The following HOXC13 variants were observed in gnomAD, a reference collection of about 807,000 sequenced individuals.
HOXC13 encodes the protein homeobox C13, also known as homeobox protein Hox-C13.
A neutral mutation model predicts 25.9 loss-of-function variants in HOXC13; 10 were observed. That is an observed-to-expected ratio of 0.39 (90% CI 0.24 to 0.65). The LOEUF is 0.65. HOXC13 is among the 30% of genes least tolerant of loss of function. HOXC13 has a pLI of 0.50. For missense variants in HOXC13, 439 were observed against 478.3 expected (o/e 0.92, Z 0.77); for synonymous variants, 233 against 217.1 (o/e 1.07, Z -0.64).
chr12:53,945,681 G>C lies in HOXC13; in HGVS notation c.*425G>C. The C allele has an allele frequency of 3.4e-6, 1 of 290,726 alleles. No homozygotes were observed. Among genetic ancestry groups the C allele is most frequent in the Non-Finnish European group, 6.6e-6 (1 of 152,128 alleles). 18.0% of individuals were successfully genotyped at this position (290,726 alleles called of 1,614,324 possible). The stretch of plus-strand genomic sequence containing the variant: ...AGGCTTTTAGAGGACCTTCCCTAAG[G>C]GCGCAGCTTCGGAGCAGGATCTGTC... On this transcript the variant is annotated 3_prime_UTR_variant, in exon 2 of 2. Transcript: ENST00000243056. The surrounding 1 kb of genome is among the most constrained non-coding windows in gnomAD (Gnocchi z 4.4).
At chr12:53,943,804 G>A (rs573878494) in intron 1 of HOXC13, among the ~76,000 whole-genome samples, 5 of 152,332 alleles carry the variant, frequency 3.3e-5, no homozygotes, top group Non-Finnish European at 7.3e-5. Flanking sequence ...TGGTAGGAAT[G>A]AAGGGGAAAC....
chr12:53,938,893 C>T lies in HOXC13; in HGVS notation c.-14C>T, dbSNP rs772428772. The T allele has an allele frequency of 2.6e-6, 4 of 1,545,628 alleles. No homozygotes were observed. The highest frequency in any genetic ancestry group is 1.4e-5 in the African/African-American group (1 of 71,176). Reference sequence around the variant, plus strand: ...GGCAAGTGGAGTTTTTAAAAAGCTCCAGCAGATCATGTCATGACGACTTCG... The same window carrying T: ...GGCAAGTGGAGTTTTTAAAAAGCTCTAGCAGATCATGTCATGACGACTTCG... On this transcript the variant is annotated 5_prime_UTR_variant, in exon 1 of 2. Transcript: ENST00000243056.
Position 53,939,687 on chromosome 12 carries a change from C to G in HOXC13, c.736+45C>G, listed in dbSNP as rs35548497. 5.3e-6 allele frequency: 7 copies of G among 1,314,676 alleles called. No homozygotes were observed. The highest frequency in any genetic ancestry group is 9.7e-7 in the Non-Finnish European group (1 of 1,030,370). 81.4% of individuals were successfully genotyped at this position (1,314,676 alleles called of 1,614,324 possible). On this transcript the variant is annotated intron_variant, in intron 1 of 1. Transcript: ENST00000243056. This position sits in a 1 kb window ranked among gnomAD's most constrained non-coding sequence, Gnocchi z 6.7. ...GCCGCCGCCGCCGGGGACCCCTCCCCGCCCTGCCTGCCCCGGGGCTCCGCG... is the reference window on the plus strand; with the variant it reads ...GCCGCCGCCGCCGGGGACCCCTCCCGGCCCTGCCTGCCCCGGGGCTCCGCG...
At position 53,939,236 on chromosome 12, in the gene HOXC13, A is replaced by T; in HGVS notation, c.330A>T (p.Ala110=). The change falls in exon 1 of 2, where the codon GCA becomes GCT. Residue 110 remains alanine, a synonymous_variant. Coordinates refer to ENST00000243056, the MANE Select transcript of HOXC13 (RefSeq NM_017410.3). The surrounding 1 kb of genome is among the most constrained non-coding windows in gnomAD (Gnocchi z 6.7). ...EAARQCAPPP[A]PPTSSSATLG... ...CGCGCCAGTGTGCCCCGCCGCCCGC[A>T]CCCCCCACCTCGTCCAGCGCCACCC... The T allele has an allele frequency of 6.5e-7, 1 of 1,537,684 alleles. No individual in the cohort carries two copies. Among genetic ancestry groups the T allele is most frequent in the Non-Finnish European group, 8.7e-7 (1 of 1,143,772 alleles).
At position 53,946,054 on chromosome 12, in the gene HOXC13, C is replaced by G. The variant is rs1435601345; in HGVS notation, c.*798C>G. 1 of 231,176 alleles carries G rather than the reference C, an allele frequency of 4.3e-6. No individual in the cohort carries two copies. The highest frequency in any genetic ancestry group is 2.2e-5 in the African/African-American group (1 of 45,230). The allele number at this position is 231,176 out of a possible 1,614,324, so 14.3% of individuals were successfully genotyped here. On this transcript the variant is annotated 3_prime_UTR_variant, in exon 2 of 2. Transcript: ENST00000243056. ...AATAGGGCTCCTCTCTCCTCTCTCT[C>G]TCTCTAGGTGGTAAGGTTGGGGATT...
At position 53,945,620 on chromosome 12, in the gene HOXC13, C is replaced by A; in HGVS notation, c.*364C>A. ...TCCAACCAAAGCAGGGTTGGGGAAT[C>A]CCGAATGGCCCCAATTCTTGCCTCA... On this transcript the variant is annotated 3_prime_UTR_variant, in exon 2 of 2. Coordinates refer to ENST00000243056, the MANE Select transcript of HOXC13 (RefSeq NM_017410.3). This position sits in a 1 kb window ranked among gnomAD's most constrained non-coding sequence, Gnocchi z 4.4. 1 of 352,740 alleles carries A rather than the reference C, an allele frequency of 2.8e-6. No homozygotes were observed. The highest frequency in any genetic ancestry group is 5.0e-5 in the South Asian group (1 of 20,124). The allele number at this position is 352,740 out of a possible 1,614,324, so 21.9% of individuals were successfully genotyped here.
chr12:53,942,409 G>T (rs1292055951), intron 1 of HOXC13, among the ~76,000 whole-genome samples: 4 of 151,626 alleles, frequency 2.6e-5, no homozygotes, highest in East Asian at 1.9e-4. Flanking sequence ...TTGCCTGTGG[G>T]GGGGCGGGTG....
rs753335177 is a variant in HOXC13 at position 53,945,154 on chromosome 12, G to A, written c.891G>A (p.Thr297=). 4 of 1,614,180 alleles carry A rather than the reference G, an allele frequency of 2.5e-6. No homozygotes were observed. The highest frequency in any genetic ancestry group is 4.5e-5 in the East Asian group (2 of 44,876). ...AGCGCCGGCGCATCTCCGCCACCAC[G>A]AACCTCTCTGAGCGCCAGGTAACCA... ...KEKRRRISAT[T]NLSERQVTIW... is the part of the protein sequence containing the mutation. Residue 297 remains threonine (T), a synonymous_variant, in exon 2 of 2, where the codon ACG becomes ACA. Transcript: ENST00000243056. This position sits in a 1 kb window ranked among gnomAD's most constrained non-coding sequence, Gnocchi z 4.4.
chr12:53,939,165 G>C lies in HOXC13; in HGVS notation c.259G>C (p.Ala87Pro), dbSNP rs1189168996. ...GGGCCGCCCGCCGGCTCCCCTGGGCGCCCCTCAGGGCGCCGTCTATACGGA... is the reference window on the plus strand; with the variant it reads ...GGGCCGCCCGCCGGCTCCCCTGGGCCCCCCTCAGGGCGCCGTCTATACGGA... ...VLGRPPAPLG[A>P]PQGAVYTDIP... Residue 87 changes from alanine (A) to proline (P), a missense_variant, in exon 1 of 2, where the codon GCC (alanine) becomes CCC (proline). Physicochemically the swap from Ala to Pro is conservative, Grantham distance 27 (BLOSUM62 -1). Transcript: ENST00000243056. The surrounding 1 kb of genome is among the most constrained non-coding windows in gnomAD (Gnocchi z 6.7). The C allele has an allele frequency of 2.0e-6, 3 of 1,481,608 alleles. No individual in the cohort carries two copies. The highest frequency in any genetic ancestry group is 5.0e-5 in the Admixed American group (2 of 40,078). 91.8% of individuals were successfully genotyped at this position (1,481,608 alleles called of 1,614,324 possible). A position where few individuals can be genotyped will look rare whatever the true frequency, so the allele number is the denominator to read the frequency against.
At chr12:53,944,237 A>T (rs1247909297) in intron 1 of HOXC13, among the ~76,000 whole-genome samples, 1 of 151,500 alleles carries the variant, frequency 6.6e-6, no homozygotes, top group Non-Finnish European at 1.5e-5. Context: ...CAGGTTCAGG[A>T]CCCCCCACCT....
intron 1 of HOXC13, 64 bp from the exon 2 acceptor site, chr12:53,944,936 C>T: frequency 3.7e-6 from 6 of 1,602,432 alleles, no homozygotes; most frequent in Non-Finnish European, 5.1e-6. Context: ...TAGGCAGCCT[C>T]GGGTCCTCTA....
At position 53,945,255 on chromosome 12, in the gene HOXC13, G is replaced by A; in HGVS notation, c.992G>A (p.Ter331=). The A allele has an allele frequency of 3.1e-6, 5 of 1,613,812 alleles. No homozygotes were observed. The highest frequency in any genetic ancestry group is 4.2e-6 in the Non-Finnish European group (5 of 1,179,846). ...KSKAPHLHST[*] is the part of the protein sequence containing the mutation. ...AAAGCGCCTCATCTCCACTCCACCT[G>A]ACCACCCACCCGCTGCTTGCCCCAT... Residue 331 remains the stop codon, a stop_retained_variant, in exon 2 of 2, where the codon TGA becomes TAA. Coordinates refer to ENST00000243056, the MANE Select transcript of HOXC13 (RefSeq NM_017410.3). The surrounding 1 kb of genome is among the most constrained non-coding windows in gnomAD (Gnocchi z 4.4).
chr12:53,939,998 C>A lies in HOXC13; in HGVS notation c.736+356C>A, dbSNP rs1346473070. On this transcript the variant is annotated intron_variant, in intron 1 of 1. Transcript: ENST00000243056. This position sits in a 1 kb window ranked among gnomAD's most constrained non-coding sequence, Gnocchi z 6.7. ...CGGCAAGGGATGGGGGCGGGGTGGG[C>A]CTATAGTGCCTTGGAATCCAGGACA... is the stretch of plus-strand genomic sequence containing the variant. Among the ~76,000 whole-genome samples the A allele has an allele frequency of 5.3e-5, 8 of 152,300 alleles. No homozygotes were observed. Among genetic ancestry groups the A allele is most frequent in the South Asian group, 2.1e-4 (1 of 4,828 alleles).
chr12:53,940,815 G>C (rs1194188221), intron 1 of HOXC13, among the ~76,000 whole-genome samples: 1 of 152,174 alleles, frequency 6.6e-6, no homozygotes, highest in Admixed American at 6.5e-5. Flanking sequence ...TCTCCCGACA[G>C]TGCCCAGCTC....
At position 53,946,045 on chromosome 12, in the gene HOXC13, C is replaced by CT. The variant is rs1938688401; in HGVS notation, c.*789_*790insT. 8.7e-6 allele frequency: 2 copies of CT among 229,154 alleles called. No homozygotes were observed. The highest frequency in any genetic ancestry group is 4.4e-5 in the African/African-American group (2 of 44,980). The allele number at this position is 229,154 out of a possible 1,614,324, so 14.2% of individuals were successfully genotyped here. A position where few individuals can be genotyped will look rare whatever the true frequency, so the allele number is the denominator to read the frequency against. On this transcript the variant is annotated 3_prime_UTR_variant, in exon 2 of 2. Transcript: ENST00000243056. ...ACGCTGCTAAATAGGGCTCCTCTCT[C>CT]CTCTCTCTCTCTCTAGGTGGTAAGG...
In HOXC13 at chr12:53,946,269, G is replaced by A. The variant is rs1268294836; in HGVS notation, c.*1013G>A. On this transcript the variant is annotated 3_prime_UTR_variant, in exon 2 of 2. Transcript: ENST00000243056. ...CTAGAGGATCTAGTTCAAGAGGCAA[G>A]AAGATCTGGCCCTCAATTAGCTAGA... The A allele has an allele frequency of 4.4e-6, 1 of 227,116 alleles. No homozygotes were observed. The highest frequency in any genetic ancestry group is 2.2e-5 in the African/African-American group (1 of 44,958). The allele number at this position is 227,116 out of a possible 1,614,324, so 14.1% of individuals were successfully genotyped here. A position where few individuals can be genotyped will look rare whatever the true frequency, so the allele number is the denominator to read the frequency against.
At chr12:53,941,484 G>T (rs1561987) in intron 1 of HOXC13, among the ~76,000 whole-genome samples, 1 of 152,048 alleles carries the variant, frequency 6.6e-6, no homozygotes, top group African/African-American at 2.4e-5. Flanking sequence ...GTATGAATGT[G>T]GTGTGGAGTA....
In HOXC13 at chr12:53,939,471, C is replaced by T. The variant is rs562744470; in HGVS notation, c.565C>T (p.Leu189=). 1.2e-6 allele frequency: 2 copies of T among 1,609,726 alleles called. No individual in the cohort carries two copies. The highest frequency in any genetic ancestry group is 1.3e-5 in the African/African-American group (1 of 75,040). ...CTCCTACCAGGCGATGCCCGGCTAC[C>T]TGGACGTGTCGGTGGTGCCCGGGAT... ...ASSYQAMPGY[L]DVSVVPGISG... is the part of the protein sequence containing the mutation. Residue 189 remains leucine (L), a synonymous_variant, in exon 1 of 2, where the codon CTG becomes TTG. Transcript: ENST00000243056. This position sits in a 1 kb window ranked among gnomAD's most constrained non-coding sequence, Gnocchi z 6.7.
rs543623036 is a variant in HOXC13, at chr12:53,940,682, C to T, written c.736+1040C>T. On this transcript the variant is annotated intron_variant, in intron 1 of 1. Coordinates refer to ENST00000243056, the MANE Select transcript of HOXC13 (RefSeq NM_017410.3). ...GCCTTGTGCTGAGAAATCAGGATTC[C>T]GGTCTAGGGAGTCCAGCATTTGAGT... Among the ~76,000 whole-genome samples, 4 of 152,284 alleles carry T rather than the reference C, an allele frequency of 2.6e-5. No homozygotes were observed. The South Asian group carries it at 8.3e-4, about 32-fold the overall frequency.
Sources: allele counts gnomAD v4.1 joint callset (sites outside exome capture counted in the v4.1 genomes callset), GRCh38; gene constraint gnomAD v4.1.1; non-coding constraint Gnocchi (gnomAD v3.1); transcripts MANE v1.5; gene names NCBI Gene and HGNC (gene_info 2026-07-23, HGNC 2026-07-21).